RHBDL3: variants seen among roughly 807,000 people sequenced by gnomAD.
RHBDL3 encodes rhomboid like 3, also known as rhomboid-related protein 3.
Under a neutral mutation model 48.2 loss-of-function variants are expected in RHBDL3, and 28 were observed. The ratio of observed to expected loss-of-function variants is 0.58; its 90% CI spans 0.43 to 0.80. The LOEUF is 0.80. Among genes scored for constraint, RHBDL3 ranks in the 30% least tolerant of loss-of-function variants. The pLI, the probability that RHBDL3 is intolerant of heterozygous loss-of-function variation, is 0.00. For synonymous variants in RHBDL3, 208 were observed against 232.3 expected (o/e 0.90, Z 0.95); for missense variants, 464 against 542.7 (o/e 0.85, Z 1.44).
In RHBDL3 at chr17:32,321,003, C is replaced by T. The variant is rs770176595; in HGVS notation, c.989C>T (p.Ser330Leu). 11 of 1,613,844 alleles carry T rather than the reference C, an allele frequency of 6.8e-6. No individual in the cohort carries two copies. The Admixed American group carries it at 1.0e-4, about 15-fold the overall frequency. Residue 330 changes from serine (S) to leucine (L), a missense_variant, in exon 9 of 9, where the codon TCG (serine) becomes TTG (leucine). Coordinates refer to ENST00000269051, the MANE Select transcript of RHBDL3 (RefSeq NM_138328.3). ...GCCGTGTGGCTCCGCTTCCACCCGT[C>T]GGCCTATCCCCCGTGCCCTCACCCA... ...GRAVWLRFHP[S>L]AYPPCPHPSF...
In RHBDL3 at chr17:32,323,903, G is replaced by A. The variant is rs2041199886; in HGVS notation, c.*2674G>A. 6.5e-6 allele frequency: 1 copy of A among 152,674 alleles called. No homozygotes were observed. The highest frequency in any genetic ancestry group is 1.5e-5 in the Non-Finnish European group (1 of 68,330). 9.5% of individuals were successfully genotyped at this position (152,674 alleles called of 1,614,324 possible). ...GTCAGGAGGCAGCTGTCTGGTCAGA[G>A]GGGTTCTCTTTGTGGCATCTGGCTT... On this transcript the variant is annotated 3_prime_UTR_variant, in exon 9 of 9. Coordinates refer to ENST00000269051, the MANE Select transcript of RHBDL3 (RefSeq NM_138328.3).
At chr17:32,298,068 G>A in intron 5 of RHBDL3, 24 bp from the exon 6 acceptor site, 1 of 1,442,294 alleles carries the variant, frequency 6.9e-7, no homozygotes, top group Non-Finnish European at 9.7e-7. Flanking sequence ...AGATGAATGA[G>A]TGAGTGTGGT....
At chr17:32,290,408 T>C (rs145543401) in intron 4 of RHBDL3, among the ~76,000 whole-genome samples, 1 of 152,286 alleles carries the variant, frequency 6.6e-6, no homozygotes, top group African/African-American at 2.4e-5. Context: ...TGTGTCCAGA[T>C]TGGTTCAGAT....
Position 32,316,235 on chromosome 17 carries a change from T to C in RHBDL3, c.886T>C (p.Trp296Arg), listed in dbSNP as rs201849916. Residue 296 changes from tryptophan to arginine, a missense_variant, in exon 8 of 9, where the codon TGG (tryptophan) becomes CGG (arginine). Trp to Arg is a moderately radical substitution (Grantham distance 101). Coordinates refer to ENST00000269051, the MANE Select transcript of RHBDL3 (RefSeq NM_138328.3). ...CTGAGCTCTCCTTTTTCCCTAGAAC[T>C]GGTCAGGCATGAAGTGCCAGTTCAA... ...SAHLANIVMN[W>R]SGMKCQFKLL... 80 of 1,612,898 alleles carry C rather than the reference T, an allele frequency of 5.0e-5. No homozygotes were observed. Among genetic ancestry groups the C allele is most frequent in the Non-Finnish European group, 6.6e-5 (78 of 1,178,994 alleles).
rs1384601177 is a variant in RHBDL3 at position 32,288,774 on chromosome 17, A to G, written c.295-18A>G. ...GGGCCCCAGCTCTGACCCTCTCCCCACTCCATTTCCTGCACAGATGAGCAA... is the reference window on the plus strand; with the variant it reads ...GGGCCCCAGCTCTGACCCTCTCCCCGCTCCATTTCCTGCACAGATGAGCAA... On this transcript the variant is annotated intron_variant, in intron 3 of 8. Coordinates refer to ENST00000269051, the MANE Select transcript of RHBDL3 (RefSeq NM_138328.3). 1 of 1,589,810 alleles carries G rather than the reference A, an allele frequency of 6.3e-7. No individual in the cohort carries two copies. Among genetic ancestry groups the G allele is most frequent in the East Asian group, 2.3e-5 (1 of 44,070 alleles).
At chr17:32,299,628 A>G (rs145759716) in intron 6 of RHBDL3, among the ~76,000 whole-genome samples, 1 of 152,360 alleles carries the variant, frequency 6.6e-6, no homozygotes, top group Non-Finnish European at 1.5e-5. Flanking sequence ...GGGAATGCCA[A>G]TAACCTAGAA....
chr17:32,278,227 G>A (rs1030857974), intron 2 of RHBDL3, among the ~76,000 whole-genome samples: 1 of 152,116 alleles, frequency 6.6e-6, no homozygotes, highest in Non-Finnish European at 1.5e-5. Flanking sequence ...GAACCTGGGA[G>A]GTGGAGCTTG....
At chr17:32,268,365 A>G (rs1339670710) in intron 2 of RHBDL3, among the ~76,000 whole-genome samples, 1 of 152,110 alleles carries the variant, frequency 6.6e-6, no homozygotes, top group Non-Finnish European at 1.5e-5. Context: ...GACTCACAGT[A>G]TGGACTCTTT....
At chr17:32,282,264 A>G (rs1445948244) in intron 2 of RHBDL3, among the ~76,000 whole-genome samples, 1 of 152,228 alleles carries the variant, frequency 6.6e-6, no homozygotes, top group Non-Finnish European at 1.5e-5. Flanking sequence ...GGAGATATAC[A>G]GATTTAAAAA....
chr17:32,305,326 G>T lies in RHBDL3; in HGVS notation c.782-15G>T. The stretch of plus-strand genomic sequence containing the variant: ...TCCCGCACTCCTGAGAATTCTCGCT[G>T]TCTTTCTGTACTAGGGTCCTTGGCA... On this transcript the variant is annotated splice_polypyrimidine_tract_variant and intron_variant, in intron 6 of 8. Coordinates refer to ENST00000269051, the MANE Select transcript of RHBDL3 (RefSeq NM_138328.3). The T allele has an allele frequency of 6.3e-7, 1 of 1,595,236 alleles. No individual in the cohort carries two copies. Among genetic ancestry groups the T allele is most frequent in the Non-Finnish European group, 8.6e-7 (1 of 1,162,828 alleles).
chr17:32,299,856 ACTCTGG>A (rs774289519), intron 6 of RHBDL3, among the ~76,000 whole-genome samples: 3 of 152,054 alleles, frequency 2.0e-5, no homozygotes, highest in African/African-American at 4.8e-5. Flanking sequence ...ACCAGAGGGC[ACTCTGG>A]TCACCACACA....
At chr17:32,297,913 T>C (rs1382319340) in intron 5 of RHBDL3, among the ~76,000 whole-genome samples, 179 bp from the exon 6 acceptor site, 1 of 152,140 alleles carries the variant, frequency 6.6e-6, no homozygotes, top group Non-Finnish European at 1.5e-5. Context: ...GAACACTCTT[T>C]CCAAGATGGT....
In RHBDL3 at chr17:32,305,390, T is replaced by C. The variant is rs916393899; in HGVS notation, c.831T>C (p.Ser277=). The C allele has an allele frequency of 1.9e-6, 3 of 1,613,946 alleles. No individual in the cohort carries two copies. The highest frequency in any genetic ancestry group is 1.7e-6 in the Non-Finnish European group (2 of 1,179,832). Residue 277 remains serine (S), a synonymous_variant, in exon 7 of 9, where the codon TCT becomes TCC. Coordinates refer to ENST00000269051, the MANE Select transcript of RHBDL3 (RefSeq NM_138328.3). ...ACATGACCGCTCCAGTCGTGGGCTC[T>C]TCTGGAGGGGTGTATGCTCTCGTCT... ...VADMTAPVVG[S]SGGVYALVSA...
chr17:32,271,476 T>G (rs750517167), intron 2 of RHBDL3, among the ~76,000 whole-genome samples: 1 of 152,240 alleles, frequency 6.6e-6, no homozygotes, highest in African/African-American at 2.4e-5. Context: ...ATAGTCTTAT[T>G]CTCAGTCCCT....
At chr17:32,290,490 G>A (rs965330896) in intron 4 of RHBDL3, among the ~76,000 whole-genome samples, 2 of 152,088 alleles carry the variant, frequency 1.3e-5, no homozygotes, top group Admixed American at 6.6e-5. Context: ...CTGAAATAAC[G>A]ATCTCGAAGC....
chr17:32,309,579 T>G (rs1002653647), intron 7 of RHBDL3, among the ~76,000 whole-genome samples: 14 of 151,896 alleles, frequency 9.2e-5, no homozygotes, highest in African/African-American at 3.4e-4. Flanking sequence ...AGCATGGACT[T>G]GAGAGAAAAT....
chr17:32,303,530 A>G (rs1218545010), intron 6 of RHBDL3, among the ~76,000 whole-genome samples: 10 of 152,244 alleles, frequency 6.6e-5, no homozygotes, highest in Non-Finnish European at 1.2e-4. Context: ...AGCAAAAGAA[A>G]GTTATCTGAC....
intron 2 of RHBDL3, among the ~76,000 whole-genome samples, chr17:32,278,775 G>A (rs1391494988): frequency 2.6e-5 from 4 of 152,126 alleles, no homozygotes; most frequent in African/African-American, 7.2e-5. Flanking sequence ...TTTAAATAGG[G>A]GGGACCACTC....
chr17:32,294,876 G>A (rs932110136), intron 5 of RHBDL3, among the ~76,000 whole-genome samples: 4 of 152,158 alleles, frequency 2.6e-5, no homozygotes, highest in African/African-American at 9.7e-5. Flanking sequence ...TCTTCTTGAG[G>A]AACTCTGACG....
Sources: allele counts gnomAD v4.1 joint callset (sites outside exome capture counted in the v4.1 genomes callset), GRCh38; gene constraint gnomAD v4.1.1; transcripts MANE v1.5; gene names NCBI Gene and HGNC (gene_info 2026-07-23, HGNC 2026-07-21).